KCNMA1: variants seen among roughly 807,000 people sequenced by gnomAD.
The protein encoded by KCNMA1 is Calcium-activated potassium channel subunit alpha-1.
A neutral mutation model predicts 140.0 loss-of-function variants in KCNMA1; 29 were observed. The observed-to-expected ratio is 0.21, with a 90% CI of 0.15 to 0.28. The LOEUF is 0.28. Ranked by LOEUF, KCNMA1 falls within the 10% of genes least tolerant of loss-of-function variation. The pLI, the probability that KCNMA1 is intolerant of heterozygous loss-of-function variation, is 1.00. For synonymous variants in KCNMA1, 612 were observed against 611.9 expected, an observed-to-expected ratio of 1.00 and a Z score of 0.00; for missense variants, 880 against 1,602.2, an observed-to-expected ratio of 0.55 and a Z score of 7.70.
intron 3 of KCNMA1, among the ~76,000 whole-genome samples, chr10:77,214,981 A>T (rs1372052295): frequency 1.3e-5 from 2 of 152,110 alleles, no homozygotes; most frequent in African/African-American, 4.8e-5. Flanking sequence ...ATGTAATATG[A>T]TTCCTCTCTT....
At chr10:77,267,365 A>C (rs939318637) in intron 2 of KCNMA1, among the ~76,000 whole-genome samples, 14 of 152,176 alleles carry the variant, frequency 9.2e-5, no homozygotes, top group Non-Finnish European at 1.9e-4. Context: ...AGAGAGCTTA[A>C]ATGCCCTGTA....
intron 2 of KCNMA1, among the ~76,000 whole-genome samples, chr10:77,267,284 A>G (rs2063706171): frequency 6.6e-6 from 1 of 152,184 alleles, no homozygotes. Context: ...ACTGAATTCA[A>G]TTGAGGGAGG....
rs145242132 is a variant in KCNMA1 at position 76,957,694 on chromosome 10, G to C, written c.2361-3770C>G. Among the ~76,000 whole-genome samples, 384 of 152,286 alleles carry C rather than the reference G, an allele frequency of 2.5e-3. 2 individuals carry two copies. The highest frequency in any genetic ancestry group is 3.4e-3 in the Middle Eastern group (1 of 294). ...AGCTAGAAGAATTTTGAAAGTACTG[G>C]ACCATTGTTGGATATCAGAAGGCTG... On this transcript the variant is annotated intron_variant, in intron 20 of 27. Transcript: ENST00000286628.
rs565054734 is a variant in KCNMA1 at position 77,292,923 on chromosome 10, T to C, written c.541-41667A>G. Among the ~76,000 whole-genome samples the C allele has an allele frequency of 2.6e-5, 4 of 152,306 alleles. 1 individual carries two copies. The highest frequency in any genetic ancestry group is 7.2e-5 in the African/African-American group (3 of 41,574). The stretch of plus-strand genomic sequence containing the variant: ...ATCATGTTAGGATTATGAAGGAAAT[T>C]AGCATCGAGGTGGCAGGATTTGGGG... On this transcript the variant is annotated intron_variant, in intron 2 of 27. Transcript: ENST00000286628.
At chr10:77,621,599 T>C (rs1363264437) in intron 1 of KCNMA1, among the ~76,000 whole-genome samples, 1 of 152,142 alleles carries the variant, frequency 6.6e-6, no homozygotes, top group Non-Finnish European at 1.5e-5. Flanking sequence ...CTACCTCCAA[T>C]ATACTCTGTG....
Position 77,317,244 on chromosome 10 carries a change from G to GA in KCNMA1, c.541-65989dup, listed in dbSNP as rs2081121989. Among the ~76,000 whole-genome samples the GA allele has an allele frequency of 2.0e-5, 3 of 152,128 alleles. No homozygotes were observed. The South Asian group carries it at 6.2e-4, about 32-fold the overall frequency. On this transcript the variant is annotated intron_variant, in intron 2 of 27. Transcript: ENST00000286628. ...GCCACAGGTGACCACCTGACTCACC[G>GA]AATGTAGTCTAAGGAACCCACTTCC...
chr10:77,436,997 C>CACACACACACACACACAA (rs59376789), intron 1 of KCNMA1, among the ~76,000 whole-genome samples: 9 of 126,866 alleles, frequency 7.1e-5, no homozygotes, highest in African/African-American at 2.5e-4. Context: ...CACACACACA[C>CACACACACACACACACAA]TCCTTCAGCC....
At chr10:77,613,338 C>G (rs931392633) in intron 1 of KCNMA1, among the ~76,000 whole-genome samples, 1 of 152,214 alleles carries the variant, frequency 6.6e-6, no homozygotes, top group Non-Finnish European at 1.5e-5. Context: ...GACTGACCAG[C>G]TTCAGCTCTG....
chr10:76,914,277 G>A (rs992372127), intron 24 of KCNMA1: 11 of 657,254 alleles, frequency 1.7e-5, no homozygotes, highest in Admixed American at 7.6e-5. Flanking sequence ...TGTCTTGGGG[G>A]AAGAGGCCAC....
At chr10:76,911,701 C>T (rs1403878393) in intron 24 of KCNMA1, 1 of 152,248 alleles carries the variant, frequency 6.6e-6, no homozygotes, top group Non-Finnish European at 1.5e-5. Context: ...AAATACCCAG[C>T]TTCCCTCTGC....
chr10:77,189,694 T>C (rs1235469599), intron 3 of KCNMA1, among the ~76,000 whole-genome samples: 1 of 152,118 alleles, frequency 6.6e-6, no homozygotes, highest in African/African-American at 2.4e-5. Flanking sequence ...AACGTTCAAA[T>C]TCTCCTCACT....
chr10:77,590,267 C>G (rs573889568), intron 1 of KCNMA1, among the ~76,000 whole-genome samples: 1 of 152,248 alleles, frequency 6.6e-6, no homozygotes, highest in African/African-American at 2.4e-5. Context: ...CTGCCAGTCC[C>G]GCGCCGTGCG....
At chr10:77,404,891 G>A (rs1229089509) in intron 1 of KCNMA1, among the ~76,000 whole-genome samples, 1 of 147,250 alleles carries the variant, frequency 6.8e-6, no homozygotes, top group Admixed American at 6.6e-5. Flanking sequence ...GGAAAGAATA[G>A]GAAAAGTCAT....
At chr10:76,926,099 C>G in intron 23 of KCNMA1, among the ~76,000 whole-genome samples, 1 of 152,150 alleles carries the variant, frequency 6.6e-6, no homozygotes, top group Non-Finnish European at 1.5e-5. Context: ...GATCTTGGAT[C>G]TTGGGGTCAG....
At chr10:77,128,932 G>A (rs1344930308) in intron 5 of KCNMA1, among the ~76,000 whole-genome samples, 1 of 152,172 alleles carries the variant, frequency 6.6e-6, no homozygotes, top group East Asian at 1.9e-4. Flanking sequence ...CGTCAATGCT[G>A]TTGGTCAGAA....
intron 1 of KCNMA1, among the ~76,000 whole-genome samples, chr10:77,447,194 T>G (rs1483812767): frequency 1.3e-5 from 2 of 152,144 alleles, no homozygotes; most frequent in Non-Finnish European, 2.9e-5. Flanking sequence ...GCACAGCAAT[T>G]TGGGCCCAAA....
chr10:77,299,145 C>A (rs1293379870), intron 2 of KCNMA1, among the ~76,000 whole-genome samples: 5 of 152,188 alleles, frequency 3.3e-5, no homozygotes, highest in African/African-American at 1.2e-4. Context: ...AATGGAGCAA[C>A]TTTTGGCATG....
chr10:77,411,066 G>A (rs2096608390), intron 1 of KCNMA1, among the ~76,000 whole-genome samples: 1 of 152,200 alleles, frequency 6.6e-6, no homozygotes, highest in Non-Finnish European at 1.5e-5. Context: ...GCAGTGGCGT[G>A]ATCTCGGCTC....
intron 2 of KCNMA1, among the ~76,000 whole-genome samples, chr10:77,308,644 T>G (rs1565884568): frequency 6.6e-6 from 1 of 152,192 alleles, no homozygotes; most frequent in African/African-American, 2.4e-5. Context: ...TTCCTAACAC[T>G]GAGACATGAC....
Sources: allele counts gnomAD v4.1 joint callset (sites outside exome capture counted in the v4.1 genomes callset), GRCh38; gene constraint gnomAD v4.1.1; transcripts MANE v1.5; gene names NCBI Gene and HGNC (gene_info 2026-07-23, HGNC 2026-07-21).